The following PDZD9 variants were observed in gnomAD, a reference collection of about 807,000 sequenced individuals.
PDZD9 encodes the protein PDZ domain containing 9, also known as PDZ domain-containing protein 9.
A neutral mutation model predicts 16.3 loss-of-function variants in PDZD9; 13 were observed. The ratio of observed to expected loss-of-function variants is 0.80; its 90% CI spans 0.52 to 1.27. The LOEUF (loss-of-function observed/expected upper bound fraction) is 1.27. Ranked by LOEUF, PDZD9 falls within the 50% of genes most tolerant of loss-of-function variation. PDZD9 has a pLI of 0.00. For missense variants in PDZD9, 288 were observed against 310.9 expected (o/e 0.93, Z 0.55); for synonymous variants, 120 against 111.0 (o/e 1.08, Z -0.51).
intron 2 of PDZD9, among the ~76,000 whole-genome samples, chr16:21,991,876 C>T (rs928950824): frequency 1.3e-5 from 2 of 152,150 alleles, no homozygotes; most frequent in African/African-American, 4.8e-5. Context: ...TCTGGACTTC[C>T]TCTGTATTCA....
the PDZD9 span, chr16:21,971,917 C>A: frequency 6.2e-7 from 1 of 1,613,602 alleles, no homozygotes; most frequent in Non-Finnish European, 8.5e-7. Flanking sequence ...CTTAATCTGG[C>A]CCCAGGTGAA....
the PDZD9 span, chr16:21,959,631 A>G: frequency 6.6e-6 from 1 of 152,464 alleles, no homozygotes; most frequent in African/African-American, 2.4e-5. Context: ...AATGTTCTTA[A>G]TGGTGTCTAG....
chr16:21,988,715 A>G lies in PDZD9; in HGVS notation c.288T>C (p.His96=). The change falls in exon 3 of 4, where the codon CAT becomes CAC. Residue 96 remains histidine (H), a synonymous_variant. Transcript: ENST00000424898. ...TLREFLQLLQ[H]ITIGTVLQIK... is the part of the protein sequence containing the mutation. The stretch of plus-strand genomic sequence containing the variant: ...TTTGTAGCACTGTTCCAATAGTGAT[A>G]TGTTGCAAAAGCTGTAAAAATTCTC... 1 of 1,613,162 alleles carries G rather than the reference A, an allele frequency of 6.2e-7. No homozygotes were observed. The highest frequency in any genetic ancestry group is 1.1e-5 in the South Asian group (1 of 91,052).
At chr16:21,961,292 A>T in the PDZD9 span, 1 of 442,916 alleles carries the variant, frequency 2.3e-6, no homozygotes, top group East Asian at 7.1e-5. Flanking sequence ...GGTATTCTTT[A>T]TAAAGACTGG....
chr16:21,962,495 T>C, the PDZD9 span: 2 of 1,614,170 alleles, frequency 1.2e-6, no homozygotes, highest in African/African-American at 1.3e-5. Flanking sequence ...GCTTATACTG[T>C]GGAATGCCTG....
chr16:21,985,949 A>T (rs59651871), intron 3 of PDZD9, among the ~76,000 whole-genome samples: 3 of 152,050 alleles, frequency 2.0e-5, no homozygotes, highest in Non-Finnish European at 2.9e-5. Flanking sequence ...TTTTTTTTTT[A>T]AATCCAAGTA....
chr16:21,989,581 T>G (rs1898972923), intron 2 of PDZD9, among the ~76,000 whole-genome samples: 1 of 152,210 alleles, frequency 6.6e-6, no homozygotes, highest in Non-Finnish European at 1.5e-5. Flanking sequence ...ATAAAGCCTT[T>G]CATTTTAATT....
chr16:21,988,054 C>T (rs1210133752), intron 3 of PDZD9, among the ~76,000 whole-genome samples: 2 of 131,528 alleles, frequency 1.5e-5, no homozygotes, highest in Non-Finnish European at 3.1e-5. Flanking sequence ...TATCTCCAGG[C>T]TGGAGTGCAG....
intron 2 of PDZD9, among the ~76,000 whole-genome samples, chr16:21,993,018 G>A (rs957251512): frequency 1.3e-5 from 2 of 152,092 alleles, no homozygotes; most frequent in African/African-American, 4.8e-5. Flanking sequence ...CTGCCGCCTT[G>A]TGAAGAAAAT....
intron 1 of PDZD9, among the ~76,000 whole-genome samples, 195 bp downstream of exon 1, chr16:22,000,822 T>A (rs1160146821): frequency 7.2e-6 from 1 of 138,530 alleles, no homozygotes. Context: ...AGACTCCTTC[T>A]CAAATGATGA....
At position 21,984,162 on chromosome 16, in the gene PDZD9, T is replaced by C; in HGVS notation, c.*105A>G. 4.1e-6 allele frequency: 5 copies of C among 1,231,260 alleles called. No homozygotes were observed. The highest frequency in any genetic ancestry group is 4.5e-6 in the Non-Finnish European group (4 of 886,222). 76.3% of individuals were successfully genotyped at this position (1,231,260 alleles called of 1,614,324 possible). On this transcript the variant is annotated 3_prime_UTR_variant, in exon 4 of 4. Coordinates refer to ENST00000424898, the MANE Select transcript of PDZD9 (RefSeq NM_001363519.1). Reference sequence around the variant, plus strand: ...ATAACGCAGTCATAAGAGAAGAGAATTGGTGAGTCTACAGACAGTCCTTGA... The same window carrying C: ...ATAACGCAGTCATAAGAGAAGAGAACTGGTGAGTCTACAGACAGTCCTTGA...
Position 21,996,466 on chromosome 16 carries a change from G to A in PDZD9, c.67C>T (p.His23Tyr). The A allele has an allele frequency of 1.3e-6, 2 of 1,536,046 alleles. No homozygotes were observed. The highest frequency in any genetic ancestry group is 1.7e-6 in the Non-Finnish European group (2 of 1,146,854). Residue 23 changes from histidine to tyrosine, a missense_variant, in exon 2 of 4, where the codon CAC becomes TAC. Coordinates refer to ENST00000424898, the MANE Select transcript of PDZD9 (RefSeq NM_001363519.1). Reference sequence around the variant, plus strand: ...GTCTGCTGTGTTTTGCTCAAGTTGTGTACAGATGTTTTGACCTTGTTGCTG... The same window carrying A: ...GTCTGCTGTGTTTTGCTCAAGTTGTATACAGATGTTTTGACCTTGTTGCTG... ...GVSNKVKTSV[H>Y]NLSKTQQTKL... is the part of the protein sequence containing the mutation.
chr16:21,961,867 G>C, the PDZD9 span, among the ~76,000 whole-genome samples: 1 of 151,382 alleles, frequency 6.6e-6, no homozygotes, highest in South Asian at 2.1e-4. Flanking sequence ...TGGCCAGGCT[G>C]GTCTCAAACT....
chr16:21,971,204 T>G, the PDZD9 span, among the ~76,000 whole-genome samples: 1 of 152,202 alleles, frequency 6.6e-6, no homozygotes, highest in Non-Finnish European at 1.5e-5. Flanking sequence ...TGTAGACTAC[T>G]CACTTAGAAA....
At chr16:21,981,594 A>G (rs1299205500), downstream of PDZD9, among the ~76,000 whole-genome samples, 3 of 151,934 alleles carry the variant, frequency 2.0e-5, no homozygotes, top group Non-Finnish European at 4.4e-5. Flanking sequence ...TCTCTACAAA[A>G]AAGTACAAAA....
chr16:21,984,574 T>A lies in PDZD9; in HGVS notation c.488A>T (p.Gln163Leu). The change falls in exon 4 of 4, where the codon CAA (glutamine) becomes CTA (leucine). Residue 163 changes from glutamine to leucine, a missense_variant. Gln to Leu is a moderately radical substitution (Grantham distance 113, BLOSUM62 -2). Coordinates refer to ENST00000424898, the MANE Select transcript of PDZD9 (RefSeq NM_001363519.1). ...NENVDLDKRL[Q>L]YYRYPWSTVH... The stretch of plus-strand genomic sequence containing the variant: ...AGTTGACCACGGATATCTATAATAT[T>A]GAAGTCTTTTATCTAAATCTACATT... The A allele has an allele frequency of 6.4e-7, 1 of 1,570,820 alleles. No homozygotes were observed. The highest frequency in any genetic ancestry group is 8.7e-7 in the Non-Finnish European group (1 of 1,153,430).
At chr16:22,000,311 C>A (rs1414912565) in intron 1 of PDZD9, among the ~76,000 whole-genome samples, 2 of 151,222 alleles carry the variant, frequency 1.3e-5, no homozygotes, top group Non-Finnish European at 2.9e-5. Context: ...TTTTTAAAGG[C>A]TCCTTACTAT....
chr16:21,999,962 G>T (rs1466458846), intron 1 of PDZD9, among the ~76,000 whole-genome samples: 1 of 152,144 alleles, frequency 6.6e-6, no homozygotes, highest in East Asian at 1.9e-4. Flanking sequence ...GCTTGAACCC[G>T]CCTGGAAGGC....
At chr16:21,992,231 T>C (rs1009789124) in intron 2 of PDZD9, among the ~76,000 whole-genome samples, 3 of 152,066 alleles carry the variant, frequency 2.0e-5, no homozygotes, top group African/African-American at 7.2e-5. Flanking sequence ...TGAGACCATG[T>C]CTCTTATTCA....
Sources: gnomAD v4.1 joint callset for allele counts (sites outside exome capture counted in the v4.1 genomes callset) on GRCh38, gnomAD v4.1.1 for gene constraint, MANE v1.5 for transcripts, NCBI Gene and HGNC (gene_info 2026-07-23, HGNC 2026-07-21) for gene names.